Variants in RNF128 observed in about 807,000 individuals in gnomAD.
The protein encoded by RNF128 is E3 ubiquitin-protein ligase RNF128.
In RNF128, 13 loss-of-function variants were observed where a neutral mutation model predicts 26.2. That is an observed-to-expected ratio of 0.50 (90% CI 0.32 to 0.79). The LOEUF is 0.79. Ranked by LOEUF, RNF128 falls within the 30% of genes least tolerant of loss-of-function variation. The probability of loss-of-function intolerance (pLI) is 0.03; values close to 1 mark genes in which losing one functional copy is unlikely to be tolerated. For missense variants in RNF128, 315 were observed against 349.7 expected (o/e 0.90, Z 0.79); for synonymous variants, 149 against 142.5 (o/e 1.05, Z -0.32).
chrX:106,731,641 G>C (rs1569438289), intron 1 of RNF128, among the ~76,000 whole-genome samples: 1 of 111,203 alleles, frequency 9.0e-6, no homozygotes, highest in East Asian at 2.8e-4. Flanking sequence ...ACTATCCCAA[G>C]TAGTGTCTTC....
chrX:106,774,511 T>G (rs1223070691), intron 2 of RNF128, among the ~76,000 whole-genome samples: 1 of 112,799 alleles, frequency 8.9e-6, no homozygotes, highest in Non-Finnish European at 1.9e-5. Context: ...GCTCCCATTT[T>G]CAAAAGATTT....
rs182582782 is a variant in RNF128 at position 106,712,566 on chromosome X, C to G, written c.406+18158C>G. ...AACCAGAATGCTACTTTTTGCAAGACAGAAGTTCCCTTATGCATTCTCCAC... is the reference window on the plus strand; with the variant it reads ...AACCAGAATGCTACTTTTTGCAAGAGAGAAGTTCCCTTATGCATTCTCCAC... On this transcript the variant is annotated intron_variant, in intron 1 of 6. Coordinates refer to the RNF128 transcript ENST00000324342. 4.1e-3 allele frequency among the ~76,000 whole-genome samples: 454 copies of G among 111,337 alleles called. 1 individual carries two copies. Among genetic ancestry groups the G allele is most frequent in the Non-Finnish European group, 7.4e-3 (392 of 53,045 alleles).
At chrX:106,775,271 C>T (rs1286340139) in intron 2 of RNF128, among the ~76,000 whole-genome samples, 1 of 111,942 alleles carries the variant, frequency 8.9e-6, no homozygotes, top group Non-Finnish European at 1.9e-5. Flanking sequence ...GTTATAGTTA[C>T]AATGACAAGA....
At chrX:106,759,370 A>G (rs1048825453) in intron 1 of RNF128, among the ~76,000 whole-genome samples, 3 of 111,715 alleles carry the variant, frequency 2.7e-5, no homozygotes, top group Admixed American at 1.9e-4. Context: ...GTAGAACAAT[A>G]TGGAGGTTCC....
intron 1 of RNF128, among the ~76,000 whole-genome samples, chrX:106,733,868 T>G (rs774813013): frequency 1.8e-5 from 2 of 110,224 alleles, no homozygotes; most frequent in South Asian, 3.9e-4. Context: ...ACCCGGCTAA[T>G]TGTTATAGTT....
chrX:106,724,694 A>G (rs989066649), upstream of RNF128, among the ~76,000 whole-genome samples: 2 of 111,634 alleles, frequency 1.8e-5, no homozygotes, highest in African/African-American at 3.3e-5. Context: ...CCCAGGTCTA[A>G]CCTCCTCTGG....
At chrX:106,774,616 A>G (rs1209401108) in intron 2 of RNF128, among the ~76,000 whole-genome samples, 1 of 111,893 alleles carries the variant, frequency 8.9e-6, no homozygotes. Context: ...TATTATTTCT[A>G]CCTTCATTAT....
intron 1 of RNF128, among the ~76,000 whole-genome samples, chrX:106,704,433 G>GAAAA (rs55870405): frequency 1.1e-3 from 54 of 49,306 alleles, no homozygotes; most frequent in Middle Eastern, 0.018. Flanking sequence ...CTCTGTCTCA[G>GAAAA]AAAAAAAAAA....
intron 2 of RNF128, among the ~76,000 whole-genome samples, chrX:106,773,390 C>T (rs1479484216): frequency 8.9e-6 from 1 of 111,806 alleles, no homozygotes; most frequent in Admixed American, 9.5e-5. Flanking sequence ...CATTAGAGAA[C>T]ACATCCAGCA....
intron 1 of RNF128, among the ~76,000 whole-genome samples, chrX:106,747,534 CT>C (rs1361173262): frequency 9.0e-6 from 1 of 111,111 alleles, no homozygotes; most frequent in Non-Finnish European, 1.9e-5. Context: ...CTAGCACAGC[CT>C]GACCTCCTTC....
intron 1 of RNF128, among the ~76,000 whole-genome samples, chrX:106,756,032 A>T (rs866147313): frequency 9.1e-6 from 1 of 110,432 alleles, no homozygotes; most frequent in Non-Finnish European, 1.9e-5. Flanking sequence ...CTTACAAGGG[A>T]TGTGAAGGAC....
At chrX:106,792,687 A>G (rs1930849183) in intron 6 of RNF128, among the ~76,000 whole-genome samples, 1 of 111,322 alleles carries the variant, frequency 9.0e-6, no homozygotes, top group Non-Finnish European at 1.9e-5. Context: ...CTCCTTTAAG[A>G]CTGACACCTC....
At chrX:106,756,407 G>A (rs1212766622) in intron 1 of RNF128, among the ~76,000 whole-genome samples, 1 of 109,656 alleles carries the variant, frequency 9.1e-6, no homozygotes, top group Non-Finnish European at 1.9e-5. Flanking sequence ...CAATGGAACA[G>A]AACAGAGCCC....
chrX:106,719,963 T>C (rs1030604832), intron 1 of RNF128, among the ~76,000 whole-genome samples: 4 of 110,596 alleles, frequency 3.6e-5, no homozygotes, highest in African/African-American at 1.3e-4. Flanking sequence ...TATCCCACTT[T>C]CCCCAAATAG....
In RNF128 at chrX:106,790,204, A is replaced by G. The variant is rs767786663; in HGVS notation, c.906A>G (p.Thr302=). Residue 302 remains threonine, a synonymous_variant, in exon 5 of 7, where the codon ACA becomes ACG. Coordinates refer to ENST00000255499, the MANE Select transcript of RNF128 (RefSeq NM_194463.2). ...GAATTAGCCATATTTTCCATAAGACATGTGTTGACCCATGGCTGTTAGAAC... is the reference window on the plus strand; with the variant it reads ...GAATTAGCCATATTTTCCATAAGACGTGTGTTGACCCATGGCTGTTAGAAC... ...ILTCNHIFHK[T]CVDPWLLEHR... The G allele has an allele frequency of 2.5e-5, 30 of 1,196,247 alleles. No individual in the cohort carries two copies. In the Admixed American group the frequency reaches 6.4e-4, roughly 26 times the overall value.
Position 106,746,365 on chromosome X carries a change from T to C in RNF128, c.484+18968T>C, listed in dbSNP as rs192752988. On this transcript the variant is annotated intron_variant, in intron 1 of 6. Coordinates refer to ENST00000255499, the MANE Select transcript of RNF128 (RefSeq NM_194463.2). Reference sequence around the variant, plus strand: ...TATTTAATATATTGTAAAAATATTTTAGAATTTATTTTACATTTTAACACG... The same window carrying C: ...TATTTAATATATTGTAAAAATATTTCAGAATTTATTTTACATTTTAACACG... Among the ~76,000 whole-genome samples the C allele has an allele frequency of 7.2e-5, 8 of 111,585 alleles. No homozygotes were observed. In the East Asian group the frequency reaches 1.7e-3, roughly 23 times the overall value.
intron 1 of RNF128, among the ~76,000 whole-genome samples, chrX:106,763,807 C>T (rs1930163585): frequency 8.9e-6 from 1 of 112,229 alleles, no homozygotes; most frequent in Admixed American, 9.4e-5. Flanking sequence ...CCACGCCCGG[C>T]CAATTCAGGT....
intron 1 of RNF128, among the ~76,000 whole-genome samples, chrX:106,717,669 A>C (rs1423221236): frequency 4.5e-5 from 5 of 112,195 alleles, no homozygotes; most frequent in African/African-American, 1.6e-4. Context: ...CAAAATAGAA[A>C]ATTATAATAC....
At chrX:106,761,795 C>T (rs1412848435) in intron 1 of RNF128, among the ~76,000 whole-genome samples, 1 of 110,143 alleles carries the variant, frequency 9.1e-6, no homozygotes, top group Non-Finnish European at 1.9e-5. Flanking sequence ...ATACAGGTTC[C>T]CCAAGCTCCA....
Sources: gnomAD v4.1 joint callset for allele counts (sites outside exome capture counted in the v4.1 genomes callset) on GRCh38, gnomAD v4.1.1 for gene constraint, MANE v1.5 for transcripts, NCBI Gene and HGNC (gene_info 2026-07-23, HGNC 2026-07-21) for gene names.